Variants in ETS2 observed in about 807,000 individuals in gnomAD.
The protein encoded by ETS2 is ETS proto-oncogene 2, transcription factor.
In ETS2, 19 loss-of-function variants were observed where a neutral mutation model predicts 54.9. The ratio of observed to expected loss-of-function variants is 0.35; its 90% CI spans 0.24 to 0.51. The LOEUF (loss-of-function observed/expected upper bound fraction) is 0.51, where lower values mean the gene tolerates loss of function less well. ETS2 is among the 20% of genes least tolerant of loss of function. ETS2 has a pLI of 0.97. For synonymous variants in ETS2, 219 were observed against 229.3 expected (o/e 0.95, Z 0.41); for missense variants, 417 against 593.0 (o/e 0.70, Z 3.08).
upstream of ETS2, chr21:38,805,709 C>A (rs2060889153): frequency 5.5e-6 from 6 of 1,097,254 alleles, no homozygotes; most frequent in Non-Finnish European, 7.0e-6. The surrounding 1 kb of genome is among the most constrained non-coding windows in gnomAD (Gnocchi z 5.2). Flanking sequence ...CCTCTCCCTC[C>A]GCTCCCCCAA....
At position 38,814,527 on chromosome 21, in the gene ETS2, C is replaced by A; in HGVS notation, c.304+135C>A. The A allele has an allele frequency of 8.8e-7, 1 of 1,137,086 alleles. No individual in the cohort carries two copies. Among genetic ancestry groups the A allele is most frequent in the Non-Finnish European group, 1.2e-6 (1 of 807,746 alleles). 70.4% of individuals were successfully genotyped at this position (1,137,086 alleles called of 1,614,324 possible). Reference sequence around the variant, plus strand: ...TAGCATGGATGTCGTTAACCTGAGCCAGTTTCTGTTTCACCCCAATCAACC... The same window carrying A: ...TAGCATGGATGTCGTTAACCTGAGCAAGTTTCTGTTTCACCCCAATCAACC... On this transcript the variant is annotated intron_variant, in intron 4 of 9. Coordinates refer to ENST00000360938, the MANE Select transcript of ETS2 (RefSeq NM_005239.6). The surrounding 1 kb of genome is among the most constrained non-coding windows in gnomAD (Gnocchi z 4.2).
upstream of ETS2, chr21:38,805,924 G>C (rs1006361211): frequency 2.4e-6 from 3 of 1,250,356 alleles, no homozygotes; most frequent in Admixed American, 2.7e-5. The surrounding 1 kb of genome is among the most constrained non-coding windows in gnomAD (Gnocchi z 5.2). Context: ...CGTGGGGGAC[G>C]GCCCGGTTAC....
At chr21:38,812,124 G>T (rs2060916012) in intron 2 of ETS2, among the ~76,000 whole-genome samples, 1 of 152,212 alleles carries the variant, frequency 6.6e-6, no homozygotes, top group South Asian at 2.1e-4. Flanking sequence ...AATTGATGTG[G>T]AAAAGCATCT....
Position 38,810,122 on chromosome 21 carries a change from T to C in ETS2, c.72+16T>C. 6.8e-7 allele frequency: 1 copy of C among 1,476,406 alleles called. No individual in the cohort carries two copies. The highest frequency in any genetic ancestry group is 9.0e-7 in the Non-Finnish European group (1 of 1,106,556). 91.5% of individuals were successfully genotyped at this position (1,476,406 alleles called of 1,614,324 possible). A position where few individuals can be genotyped will look rare whatever the true frequency, so the allele number is the denominator to read the frequency against. On this transcript the variant is annotated intron_variant, in intron 2 of 9. Transcript: ENST00000360938. The stretch of plus-strand genomic sequence containing the variant: ...GACACTCAAGGTGAGTGGGCAAGTC[T>C]TAATTTTTTTTTTTAATTGGAAAAC...
At chr21:38,819,377 A>G (rs1474048158) in intron 7 of ETS2, 126 bp from the exon 8 acceptor site, 1 of 770,286 alleles carries the variant, frequency 1.3e-6, no homozygotes, top group Non-Finnish European at 2.2e-6. Flanking sequence ...GCATTTTGAG[A>G]AGTCTGAGTG....
chr21:38,823,213 T>C lies in ETS2; in HGVS notation c.*324T>C, dbSNP rs956568384. On this transcript the variant is annotated 3_prime_UTR_variant, in exon 10 of 10. Transcript: ENST00000360938. The stretch of plus-strand genomic sequence containing the variant: ...TGAGATTCTCAAAGGAGCGAGCATG[T>C]CGTGGACACACACAGACTATTTTTA... 1 of 226,216 alleles carries C rather than the reference T, an allele frequency of 4.4e-6. No homozygotes were observed. Among genetic ancestry groups the C allele is most frequent in the African/African-American group, 2.3e-5 (1 of 44,238 alleles). The allele number at this position is 226,216 out of a possible 1,614,324, so 14.0% of individuals were successfully genotyped here.
In ETS2 at chr21:38,806,820, TTTGC is replaced by T; in HGVS notation, c.-1+704_-1+707del. 1 of 985,492 alleles carries T rather than the reference TTTGC, an allele frequency of 1.0e-6. No individual in the cohort carries two copies. Among genetic ancestry groups the T allele is most frequent in the Non-Finnish European group, 1.2e-6 (1 of 829,948 alleles). The allele number at this position is 985,492 out of a possible 1,614,324, so 61.0% of individuals were successfully genotyped here. Reference sequence around the variant, plus strand: ...ATTTGAATGAAGAGGTAACTGAGTGTTTGCTTGTGTGTGTTTGGGTTGCGTGTGT... The same window carrying T: ...ATTTGAATGAAGAGGTAACTGAGTGTTTGTGTGTGTTTGGGTTGCGTGTGT... On this transcript the variant is annotated intron_variant, in intron 1 of 9. Coordinates refer to ENST00000360938, the MANE Select transcript of ETS2 (RefSeq NM_005239.6). This position sits in a 1 kb window ranked among gnomAD's most constrained non-coding sequence, Gnocchi z 4.3.
At chr21:38,809,385 C>G (rs2060905515) in intron 1 of ETS2, among the ~76,000 whole-genome samples, 1 of 152,148 alleles carries the variant, frequency 6.6e-6, no homozygotes, top group East Asian at 1.9e-4. Context: ...AAGTGCACAG[C>G]CAAGCAACAC....
chr21:38,814,014 A>G lies in ETS2; in HGVS notation c.185-259A>G, dbSNP rs540438963. 1.1e-3 allele frequency among the ~76,000 whole-genome samples: 171 copies of G among 152,328 alleles called. No homozygotes were observed. Among genetic ancestry groups the G allele is most frequent in the Non-Finnish European group, 2.3e-3 (156 of 68,032 alleles). ...GACTTAGCAGTTTTCCCTACGCACA[A>G]CTGCTTTGTGACGCTTTGCAAAATA... On this transcript the variant is annotated intron_variant, in intron 3 of 9. Transcript: ENST00000360938. The surrounding 1 kb of genome is among the most constrained non-coding windows in gnomAD (Gnocchi z 4.2).
At position 38,814,354 on chromosome 21, in the gene ETS2, G is replaced by C; in HGVS notation, c.266G>C (p.Gly89Ala). ...MSQALKATFS[G>A]FKKEQRRLGI... ...CAAGCCTTAAAAGCTACCTTCAGTG[G>C]CTTCAAAAAGGAACAGCGGCGCCTG... is the stretch of plus-strand genomic sequence containing the variant. The change falls in exon 4 of 10, where the codon GGC becomes GCC. Residue 89 changes from glycine to alanine, a missense_variant. By Grantham distance (60) the Gly-to-Ala change is moderately conservative. Around this residue, in one of 3 missense-constraint regions of ETS2, gnomAD observed 326 missense variants for 426.1 expected, o/e 0.76. Coordinates refer to ENST00000360938, the MANE Select transcript of ETS2 (RefSeq NM_005239.6). The surrounding 1 kb of genome is among the most constrained non-coding windows in gnomAD (Gnocchi z 4.2). 1 of 1,614,120 alleles carries C rather than the reference G, an allele frequency of 6.2e-7. No individual in the cohort carries two copies. Among genetic ancestry groups the C allele is most frequent in the South Asian group, 1.1e-5 (1 of 91,086 alleles).
chr21:38,806,697 G>C lies in ETS2; in HGVS notation c.-1+577G>C, dbSNP rs1384538744. 2.0e-6 allele frequency: 2 copies of C among 985,376 alleles called. No homozygotes were observed. The highest frequency in any genetic ancestry group is 2.4e-6 in the Non-Finnish European group (2 of 829,990). The allele number at this position is 985,376 out of a possible 1,614,324, so 61.0% of individuals were successfully genotyped here. A position where few individuals can be genotyped will look rare whatever the true frequency, so the allele number is the denominator to read the frequency against. On this transcript the variant is annotated intron_variant, in intron 1 of 9. Transcript: ENST00000360938. The surrounding 1 kb of genome is among the most constrained non-coding windows in gnomAD (Gnocchi z 4.3). ...ACCTGCTCGCCGCGTCCAGGGCCCGGGCTGGGGACCCCTCGGTCGTGCGAG... is the reference window on the plus strand; with the variant it reads ...ACCTGCTCGCCGCGTCCAGGGCCCGCGCTGGGGACCCCTCGGTCGTGCGAG...
In ETS2 at chr21:38,819,786, A is replaced by G. The variant is rs970903143; in HGVS notation, c.1075+20A>G. 3 of 1,604,054 alleles carry G rather than the reference A, an allele frequency of 1.9e-6. No homozygotes were observed. The highest frequency in any genetic ancestry group is 1.3e-5 in the African/African-American group (1 of 74,756). On this transcript the variant is annotated intron_variant, in intron 8 of 9. Coordinates refer to ENST00000360938, the MANE Select transcript of ETS2 (RefSeq NM_005239.6). ...TCACAGGTGTGTGTGGAACTCCGAG[A>G]GCCTGGCCGCCCAGTCTCCTGGGTC...
chr21:38,822,874 C>T lies in ETS2; in HGVS notation c.1395C>T (p.Pro465=), dbSNP rs17854245. 20 of 1,586,884 alleles carry T rather than the reference C, an allele frequency of 1.3e-5. No homozygotes were observed. The South Asian group carries it at 2.2e-4, about 17-fold the overall frequency. ...EELHAILGVQ[P]DTED is the part of the protein sequence containing the mutation. The stretch of plus-strand genomic sequence containing the variant: ...TGCACGCCATCCTGGGCGTCCAGCC[C>T]GACACGGAGGACTGAGGTCGCCGGG... Residue 465 remains proline (P), a synonymous_variant, in exon 10 of 10, where the codon CCC becomes CCT. Coordinates refer to ENST00000360938, the MANE Select transcript of ETS2 (RefSeq NM_005239.6).
intron 7 of ETS2, 28 bp from the exon 8 acceptor site, chr21:38,819,475 A>T (rs765403830): frequency 2.7e-5 from 44 of 1,610,890 alleles, no homozygotes; most frequent in Non-Finnish European, 3.7e-5. Context: ...TGGAGGAATC[A>T]AAGTATGTGT....
At position 38,818,336 on chromosome 21, in the gene ETS2, G is replaced by A. The variant is rs560938662; in HGVS notation, c.590-89G>A. On this transcript the variant is annotated intron_variant, in intron 6 of 9. Coordinates refer to ENST00000360938, the MANE Select transcript of ETS2 (RefSeq NM_005239.6). ...GGTTCTGCAGAGGGCTGGAGTGTGCGGAGTGCTCACCTGTCATTTGCTCGT... is the reference window on the plus strand; with the variant it reads ...GGTTCTGCAGAGGGCTGGAGTGTGCAGAGTGCTCACCTGTCATTTGCTCGT... 1.4e-4 allele frequency: 219 copies of A among 1,578,026 alleles called. No homozygotes were observed. In the South Asian group the frequency reaches 1.6e-3, roughly 12 times the overall value.
At chr21:38,819,830 C>T (rs773335407) in intron 8 of ETS2, 64 bp downstream of exon 8, 7 of 1,501,650 alleles carry the variant, frequency 4.7e-6, no homozygotes, top group East Asian at 4.8e-5. Context: ...TGCTTCCTTT[C>T]GAGCCACAGT....
chr21:38,822,646 A>T lies in ETS2; in HGVS notation c.1195-28A>T. ...TTTTCTTCATTGACAAATTGAGTTT[A>T]ACTCTTTTCCATCCATGTTCACCAA... is the stretch of plus-strand genomic sequence containing the variant. On this transcript the variant is annotated intron_variant, in intron 9 of 9. Coordinates refer to ENST00000360938, the MANE Select transcript of ETS2 (RefSeq NM_005239.6). The T allele has an allele frequency of 1.3e-6, 2 of 1,574,322 alleles. 1 individual carries two copies. Among genetic ancestry groups the T allele is most frequent in the East Asian group, 4.5e-5 (2 of 44,588 alleles).
chr21:38,805,625 G>A (rs1030636449), upstream of ETS2: 3 of 1,243,506 alleles, frequency 2.4e-6, no homozygotes, highest in Admixed American at 7.8e-5. The surrounding 1 kb of genome is among the most constrained non-coding windows in gnomAD (Gnocchi z 5.2). Context: ...AGGTTGGGCC[G>A]GAAGGTGTCA....
Position 38,821,704 on chromosome 21 carries a change from G to A in ETS2, c.1194G>A (p.Glu398=), listed in dbSNP as rs1207792871. 1.3e-6 allele frequency: 2 copies of A among 1,599,888 alleles called. No homozygotes were observed. The highest frequency in any genetic ancestry group is 3.3e-5 in the Admixed American group (2 of 59,992). ...AGTTTAAGCTCGCCGACCCCGATGAGGTATGGCCAGAGCCCTGGGAAATCT... is the reference window on the plus strand; with the variant it reads ...AGTTTAAGCTCGCCGACCCCGATGAAGTATGGCCAGAGCCCTGGGAAATCT... ...GWEFKLADPD[E]VARRWGKRKN... is the part of the protein sequence containing the mutation. Residue 398 remains glutamate (E), a splice_region_variant and synonymous_variant, in exon 9 of 10, where the codon GAG becomes GAA. Coordinates refer to ENST00000360938, the MANE Select transcript of ETS2 (RefSeq NM_005239.6). This position sits in a 1 kb window ranked among gnomAD's most constrained non-coding sequence, Gnocchi z 4.2.
Sources: allele counts gnomAD v4.1 joint callset (sites outside exome capture counted in the v4.1 genomes callset), GRCh38; gene constraint gnomAD v4.1.1; regional missense constraint gnomAD v4.1.1; non-coding constraint Gnocchi (gnomAD v3.1); transcripts MANE v1.5; gene names NCBI Gene and HGNC (gene_info 2026-07-23, HGNC 2026-07-21).